Variants in ACO2 observed in about 807,000 individuals in gnomAD.
The protein encoded by ACO2 is aconitate hydratase, mitochondrial.
ACO2 carries 31 observed loss-of-function variants against 84.5 expected under a neutral mutation model. The ratio of observed to expected loss-of-function variants is 0.37; its 90% CI spans 0.28 to 0.50. The LOEUF (loss-of-function observed/expected upper bound fraction) is 0.50, where lower values mean the gene tolerates loss of function less well. ACO2 is among the 20% of genes least tolerant of loss of function. The probability of loss-of-function intolerance (pLI) is 0.97; values close to 1 mark genes in which losing one functional copy is unlikely to be tolerated. For synonymous variants in ACO2, 414 were observed against 412.7 expected (o/e 1.00, Z -0.04); for missense variants, 685 against 1,029.3 (o/e 0.67, Z 4.58).
At chr22:41,488,974 A>G (rs946302837) in intron 1 of ACO2, among the ~76,000 whole-genome samples, 4 of 152,160 alleles carry the variant, frequency 2.6e-5, no homozygotes, top group Non-Finnish European at 5.9e-5. Context: ...GATAGGGCTT[A>G]GAAGCTGAGT....
intron 1 of ACO2, among the ~76,000 whole-genome samples, chr22:41,484,421 G>A (rs909320102): frequency 1.3e-5 from 2 of 152,162 alleles, no homozygotes; most frequent in African/African-American, 4.8e-5. Context: ...TGGTGGATGG[G>A]TAATGATGAT....
intron 16 of ACO2, 148 bp from the exon 17 acceptor site, chr22:41,527,753 G>A: frequency 7.5e-7 from 1 of 1,333,926 alleles, no homozygotes; most frequent in Non-Finnish European, 1.0e-6. Flanking sequence ...CTAGTGAAAG[G>A]GAGCAGACCA....
chr22:41,526,318 C>T lies in ACO2; in HGVS notation c.1818C>T (p.Phe606=), dbSNP rs1030307613. The T allele has an allele frequency of 5.6e-6, 9 of 1,612,782 alleles. No homozygotes were observed. Among genetic ancestry groups the T allele is most frequent in the Non-Finnish European group, 6.8e-6 (8 of 1,180,036 alleles). ...HISAAGPWLK[F]RGHLDNISNN... is the part of the protein sequence containing the mutation. ...CAGCTGCTGGCCCCTGGCTCAAGTT[C>T]CGTGGGCACTTGGATAACATCTCCA... is the stretch of plus-strand genomic sequence containing the variant. The change falls in exon 15 of 18, where the codon TTC becomes TTT. Residue 606 remains phenylalanine (F), a synonymous_variant. Coordinates refer to ENST00000216254, the MANE Select transcript of ACO2 (RefSeq NM_001098.3).
intron 9 of ACO2, among the ~76,000 whole-genome samples, chr22:41,522,065 G>A (rs2066531178): frequency 6.6e-6 from 1 of 152,184 alleles, no homozygotes; most frequent in Non-Finnish European, 1.5e-5. Flanking sequence ...GAGCCACCGC[G>A]CCTGGCCAGT....
chr22:41,510,537 C>T (rs1027901592), intron 3 of ACO2, among the ~76,000 whole-genome samples: 2 of 152,214 alleles, frequency 1.3e-5, no homozygotes, highest in African/African-American at 4.8e-5. Flanking sequence ...TTGAGTGTAT[C>T]TCATCAAGGG....
At chr22:41,528,103 C>G in intron 17 of ACO2, 81 bp downstream of exon 17, 1 of 1,589,040 alleles carries the variant, frequency 6.3e-7, no homozygotes, top group Non-Finnish European at 8.6e-7. Flanking sequence ...CCCAGGGTAG[C>G]TTCTCCCAGG....
chr22:41,504,945 A>T (rs917181785), intron 2 of ACO2, among the ~76,000 whole-genome samples: 1 of 151,530 alleles, frequency 6.6e-6, no homozygotes, highest in Non-Finnish European at 1.5e-5. Context: ...AAACGCCTGG[A>T]CTCAAGTGAT....
intron 1 of ACO2, among the ~76,000 whole-genome samples, chr22:41,471,101 T>TTGTC (rs3045391): frequency 0.77 from 116,280 of 151,560 alleles, 45,175 homozygotes; most frequent in East Asian, 0.95. Context: ...CCTGAATCCA[T>TTGTC]TGTCCATTGG....
chr22:41,502,685 T>G (rs1240474030), intron 2 of ACO2, among the ~76,000 whole-genome samples: 1 of 152,202 alleles, frequency 6.6e-6, no homozygotes, highest in Non-Finnish European at 1.5e-5. Context: ...CTCGGCTCAC[T>G]GCAACCTCCA....
At chr22:41,525,898 G>A (rs1569023304) in intron 14 of ACO2, 1 of 228,168 alleles carries the variant, frequency 4.4e-6, no homozygotes, top group Admixed American at 5.2e-5. Flanking sequence ...AGACTAATCA[G>A]TCATCAGCCA....
chr22:41,523,612 T>A (rs1223679103), intron 11 of ACO2, among the ~76,000 whole-genome samples: 1 of 152,172 alleles, frequency 6.6e-6, no homozygotes, highest in Non-Finnish European at 1.5e-5. Context: ...AGGCCTTGCC[T>A]CTGGCTTACG....
chr22:41,493,064 C>G (rs2066284585), intron 1 of ACO2, among the ~76,000 whole-genome samples: 1 of 152,104 alleles, frequency 6.6e-6, no homozygotes, highest in Admixed American at 6.6e-5. Context: ...TAGCAGAAGG[C>G]GTAAGGGCAA....
intron 1 of ACO2, among the ~76,000 whole-genome samples, chr22:41,485,601 C>T (rs985250239): frequency 2.6e-5 from 4 of 151,980 alleles, no homozygotes; most frequent in Admixed American, 6.6e-5. Flanking sequence ...CCACCACGCC[C>T]GGCAAATTTT....
chr22:41,490,406 A>G (rs2066263533), intron 1 of ACO2, among the ~76,000 whole-genome samples: 2 of 152,206 alleles, frequency 1.3e-5, no homozygotes, highest in South Asian at 4.1e-4. Context: ...AGTACTAATT[A>G]TGTTCATAAT....
At chr22:41,476,278 A>G (rs1274662470) in intron 1 of ACO2, among the ~76,000 whole-genome samples, 2 of 151,408 alleles carry the variant, frequency 1.3e-5, no homozygotes, top group Admixed American at 6.6e-5. Context: ...GTGGTGGCGC[A>G]TGCCTGTAAT....
At chr22:41,520,127 T>C in intron 8 of ACO2, 44 bp from the exon 9 acceptor site, 2 of 1,556,654 alleles carry the variant, frequency 1.3e-6, no homozygotes, top group South Asian at 2.2e-5. Flanking sequence ...CTTCAAGGTT[T>C]CTTCCCTCCT....
At chr22:41,484,684 A>G (rs1349624092) in intron 1 of ACO2, among the ~76,000 whole-genome samples, 1 of 151,862 alleles carries the variant, frequency 6.6e-6, no homozygotes, top group African/African-American at 2.4e-5. Context: ...ATAATTACAT[A>G]CTTGCTATTC....
intron 14 of ACO2, 85 bp downstream of exon 14, chr22:41,525,433 G>A (rs759855081): frequency 8.3e-5 from 128 of 1,539,796 alleles, no homozygotes; most frequent in Non-Finnish European, 1.1e-4. Flanking sequence ...TGAACCTGGA[G>A]GAAGTGAGCA....
In ACO2 at chr22:41,512,014, A is replaced by C. The variant is rs2066436883; in HGVS notation, c.525+46A>C. The stretch of plus-strand genomic sequence containing the variant: ...CCGTCCCAAGGGCCCAAGCCAGAGA[A>C]GTATGTTCCAGGCCTATGGGGGGAG... On this transcript the variant is annotated intron_variant, in intron 4 of 17. Transcript: ENST00000216254. 2.6e-6 allele frequency: 4 copies of C among 1,516,520 alleles called. No homozygotes were observed. In the African/African-American group the frequency reaches 4.2e-5, roughly 16 times the overall value. The allele number at this position is 1,516,520 out of a possible 1,614,324, so 93.9% of individuals were successfully genotyped here.
Sources: gnomAD v4.1 joint callset for allele counts (sites outside exome capture counted in the v4.1 genomes callset) on GRCh38, gnomAD v4.1.1 for gene constraint, MANE v1.5 for transcripts, NCBI Gene and HGNC (gene_info 2026-07-23, HGNC 2026-07-21) for gene names.